The following GRID2 variants were observed in gnomAD, a reference collection of about 807,000 sequenced individuals.
GRID2 encodes the protein glutamate receptor ionotropic, delta-2.
In GRID2, 33 loss-of-function variants were observed where a neutral mutation model predicts 114.8. That is an observed-to-expected ratio of 0.29 (90% CI 0.22 to 0.38). The LOEUF (loss-of-function observed/expected upper bound fraction) is 0.38. Among genes scored for constraint, GRID2 ranks in the 10% least tolerant of loss-of-function variants. GRID2 has a pLI of 1.00. For missense variants in GRID2, 1,184 were observed against 1,257.7 expected (o/e 0.94, Z 0.89); for synonymous variants, 505 against 449.9 (o/e 1.12, Z -1.55).
chr4:93,057,651 A>T (rs116336509), intron 2 of GRID2, among the ~76,000 whole-genome samples: 2 of 151,946 alleles, frequency 1.3e-5, no homozygotes, highest in African/African-American at 4.8e-5. Context: ...AACTGTGTCA[A>T]TGAACTCCCC....
chr4:93,366,137 G>A (rs941207299), intron 8 of GRID2, among the ~76,000 whole-genome samples: 1 of 152,080 alleles, frequency 6.6e-6, no homozygotes, highest in Non-Finnish European at 1.5e-5. Context: ...AAAAGAACAG[G>A]ATAACAGCAA....
chr4:92,869,454 A>T (rs1363998697), intron 2 of GRID2, among the ~76,000 whole-genome samples: 1 of 152,160 alleles, frequency 6.6e-6, no homozygotes, highest in East Asian at 1.9e-4. Context: ...AACCAAAGCA[A>T]CTGGTAGTTC....
At chr4:92,857,745 A>G (rs1221287602) in intron 2 of GRID2, among the ~76,000 whole-genome samples, 1 of 152,168 alleles carries the variant, frequency 6.6e-6, no homozygotes, top group Non-Finnish European at 1.5e-5. Flanking sequence ...AGGTGGATAT[A>G]CCCAACAACA....
chr4:93,082,979 T>A (rs1203394238), intron 2 of GRID2, among the ~76,000 whole-genome samples: 1 of 152,220 alleles, frequency 6.6e-6, no homozygotes, highest in African/African-American at 2.4e-5. Flanking sequence ...CCTGTCATGT[T>A]ACATGTGACA....
intron 8 of GRID2, among the ~76,000 whole-genome samples, chr4:93,332,423 A>G (rs1373283085): frequency 6.6e-6 from 1 of 151,776 alleles, no homozygotes; most frequent in African/African-American, 2.4e-5. Flanking sequence ...TTCTGTATCC[A>G]CGCAGCCAAT....
intron 1 of GRID2, among the ~76,000 whole-genome samples, chr4:93,801,548 G>A (rs1031652616): frequency 3.3e-5 from 5 of 151,878 alleles, no homozygotes; most frequent in Non-Finnish European, 7.4e-5. Flanking sequence ...TACTGATATT[G>A]GGTATAAAAT....
intron 2 of GRID2, among the ~76,000 whole-genome samples, chr4:92,923,685 A>G (rs1223664925): frequency 1.3e-5 from 2 of 152,220 alleles, no homozygotes; most frequent in Admixed American, 6.5e-5. Flanking sequence ...TTGGCAATAT[A>G]AAAGGAGGAA....
Position 93,669,654 on chromosome 4 carries a change from C to T in GRID2, c.2360+43219C>T, listed in dbSNP as rs952955366. ...TCCCCATTCCCTTGCATAATATTCA[C>T]GCAACACACTCCAAACACATATCTT... On this transcript the variant is annotated intron_variant, in intron 14 of 15. Coordinates refer to ENST00000282020, the MANE Select transcript of GRID2 (RefSeq NM_001510.4). Among the ~76,000 whole-genome samples, 5 of 152,080 alleles carry T rather than the reference C, an allele frequency of 3.3e-5. No individual in the cohort carries two copies. In the South Asian group the frequency reaches 6.2e-4, roughly 19 times the overall value.
At chr4:93,719,840 C>T (rs928105053) in intron 14 of GRID2, among the ~76,000 whole-genome samples, 2 of 152,148 alleles carry the variant, frequency 1.3e-5, no homozygotes, top group Non-Finnish European at 2.9e-5. Context: ...GCATCTTTTC[C>T]TGGACATTTC....
At chr4:93,537,576 T>G (rs1387982181) in intron 13 of GRID2, among the ~76,000 whole-genome samples, 1 of 151,838 alleles carries the variant, frequency 6.6e-6, no homozygotes, top group East Asian at 1.9e-4. Context: ...TTTCTCATTA[T>G]CCCTTTGGTT....
chr4:92,702,549 C>G (rs556649340), intron 2 of GRID2: 10 of 152,192 alleles, frequency 6.6e-5, no homozygotes, highest in African/African-American at 1.9e-4. Flanking sequence ...TACTGTTACC[C>G]TTTACACTAT....
At chr4:92,808,360 A>G (rs1740513943) in intron 2 of GRID2, among the ~76,000 whole-genome samples, 1 of 152,062 alleles carries the variant, frequency 6.6e-6, no homozygotes, top group African/African-American at 2.4e-5. Flanking sequence ...TAAAAAAGTC[A>G]AACATTTTAT....
intron 2 of GRID2, among the ~76,000 whole-genome samples, chr4:92,747,554 A>G (rs1240474649): frequency 1.3e-5 from 2 of 151,850 alleles, no homozygotes; most frequent in Non-Finnish European, 2.9e-5. Flanking sequence ...TCCTGCTACA[A>G]CTCTTATCCA....
chr4:93,358,367 A>G (rs1761546663), intron 8 of GRID2, among the ~76,000 whole-genome samples: 2 of 151,936 alleles, frequency 1.3e-5, no homozygotes, highest in South Asian at 4.1e-4. Flanking sequence ...GGTACATTTT[A>G]ATAAGTTAAG....
intron 9 of GRID2, among the ~76,000 whole-genome samples, chr4:93,399,562 A>G (rs868703878): frequency 3.3e-5 from 5 of 152,236 alleles, no homozygotes; most frequent in Middle Eastern, 3.4e-3. Flanking sequence ...ACCTACCTAG[A>G]TGACTTACAT....
At chr4:93,429,660 A>G (rs1267405481) in intron 10 of GRID2, among the ~76,000 whole-genome samples, 4 of 152,208 alleles carry the variant, frequency 2.6e-5, no homozygotes, top group Admixed American at 2.6e-4. Context: ...CAACAATGGA[A>G]GAAAGCCAGA....
chr4:93,703,035 A>G (rs1273120539), intron 14 of GRID2, among the ~76,000 whole-genome samples: 1 of 152,002 alleles, frequency 6.6e-6, no homozygotes, highest in Non-Finnish European at 1.5e-5. Context: ...AAAGCTATAC[A>G]TTTTCACTCT....
intron 13 of GRID2, among the ~76,000 whole-genome samples, chr4:93,519,358 C>T (rs777916177): frequency 2.6e-5 from 4 of 152,144 alleles, no homozygotes; most frequent in African/African-American, 4.8e-5. Flanking sequence ...ATGGGAAGTT[C>T]ATTTCTCTTA....
At chr4:93,249,328 T>C (rs781441924) in intron 8 of GRID2, among the ~76,000 whole-genome samples, 1 of 152,196 alleles carries the variant, frequency 6.6e-6, no homozygotes, top group South Asian at 2.1e-4. Flanking sequence ...TTTGTTCTTT[T>C]GGCTTAGGAT....
Sources: allele counts gnomAD v4.1 joint callset (sites outside exome capture counted in the v4.1 genomes callset), GRCh38; gene constraint gnomAD v4.1.1; transcripts MANE v1.5; gene names NCBI Gene and HGNC (gene_info 2026-07-23, HGNC 2026-07-21).